The following COL7A1 variants were observed in gnomAD, a reference collection of about 807,000 sequenced individuals.
COL7A1 encodes the protein collagen type VII alpha 1 chain, also known as collagen alpha-1(VII) chain.
Under a neutral mutation model 456.2 loss-of-function variants are expected in COL7A1, and 296 were observed. The ratio of observed to expected loss-of-function variants is 0.65; its 90% CI spans 0.59 to 0.71. COL7A1 has a LOEUF of 0.71. Ranked by LOEUF, COL7A1 falls within the 30% of genes least tolerant of loss-of-function variation. COL7A1 has a pLI of 0.00. For missense variants in COL7A1, 3,441 were observed against 4,017.2 expected (o/e 0.86, Z 3.88); for synonymous variants, 1,464 against 1,525.9 (o/e 0.96, Z 0.95).
At position 48,588,179 on chromosome 3, in the gene COL7A1, A is replaced by T; in HGVS notation, c.2710+103T>A. 6.4e-7 allele frequency: 1 copy of T among 1,566,394 alleles called. No individual in the cohort carries two copies. The highest frequency in any genetic ancestry group is 8.7e-7 in the Non-Finnish European group (1 of 1,148,050). The stretch of plus-strand genomic sequence containing the variant: ...ACTGTCACGGATCCCGCAGACCCCC[A>T]GTGACAGACCCCGCCCACCATCACT... On this transcript the variant is annotated intron_variant, in intron 21 of 118. Transcript: ENST00000681320. This position sits in a 1 kb window ranked among gnomAD's most constrained non-coding sequence, Gnocchi z 4.6.
rs765367177 is a variant in COL7A1, at chr3:48,579,246, C to T, written c.5339G>A (p.Arg1780Gln). 27 of 1,613,770 alleles carry T rather than the reference C, an allele frequency of 1.7e-5. No individual in the cohort carries two copies. Among genetic ancestry groups the T allele is most frequent in the Admixed American group, 1.0e-4 (6 of 60,010 alleles). ...GDRGPPGLDG[R>Q]SGLDGKPGAA... Reference sequence around the variant, plus strand: ...TCCTGGTTTCCCATCCAGTCCGCTCCGGCCATCCAGCCCAGGGGGACCCCG... The same window carrying T: ...TCCTGGTTTCCCATCCAGTCCGCTCTGGCCATCCAGCCCAGGGGGACCCCG... The change falls in exon 62 of 119, where the codon CGG becomes CAG. Residue 1780 changes from arginine to glutamine, a missense_variant. Around this residue, in one of 3 missense-constraint regions of COL7A1, gnomAD observed 2,084 missense variants for 2,501.3 expected, o/e 0.83. Coordinates refer to ENST00000681320, the MANE Select transcript of COL7A1 (RefSeq NM_000094.4). The surrounding 1 kb of genome is among the most constrained non-coding windows in gnomAD (Gnocchi z 4.4).
chr3:48,584,327 G>A lies in COL7A1; in HGVS notation c.4168C>T (p.Pro1390Ser). 6.2e-7 allele frequency: 1 copy of A among 1,612,796 alleles called. No individual in the cohort carries two copies. The highest frequency in any genetic ancestry group is 8.5e-7 in the Non-Finnish European group (1 of 1,179,414). The change falls in exon 37 of 119, where the codon CCC (proline) becomes TCC (serine). Residue 1390 changes from proline (P) to serine (S), a missense_variant. Pro to Ser is a moderately conservative substitution (Grantham distance 74). Around this residue, in one of 3 missense-constraint regions of COL7A1, gnomAD observed 2,084 missense variants for 2,501.3 expected, o/e 0.83. Coordinates refer to ENST00000681320, the MANE Select transcript of COL7A1 (RefSeq NM_000094.4). ...GPLGDPGPRG[P>S]PGLPGTAMKG... The stretch of plus-strand genomic sequence containing the variant: ...ATGGCTGTTCCAGGAAGCCCTGGGG[G>A]GCCACGGGGTCCTGGGTCCCCCAGT...
In COL7A1 at chr3:48,588,955, G is replaced by T; in HGVS notation, c.2355C>A (p.Leu785=). The change falls in exon 19 of 119, where the codon CTC becomes CTA. Residue 785 remains leucine, a synonymous_variant. Transcript: ENST00000681320. The surrounding 1 kb of genome is among the most constrained non-coding windows in gnomAD (Gnocchi z 4.6). ...PVGRVSRLQI[L]NASSDVLRIT... is the part of the protein sequence containing the mutation. ...TCCGTAGAACGTCGCTGGAAGCATTGAGGATCTGCAGCCTCGACACACGAC... is the reference window on the plus strand; with the variant it reads ...TCCGTAGAACGTCGCTGGAAGCATTTAGGATCTGCAGCCTCGACACACGAC... 6.2e-7 allele frequency: 1 copy of T among 1,613,614 alleles called. No individual in the cohort carries two copies. The highest frequency in any genetic ancestry group is 8.5e-7 in the Non-Finnish European group (1 of 1,180,046).
At position 48,593,097 on chromosome 3, in the gene COL7A1, C is replaced by G. The variant is rs767647070; in HGVS notation, c.682+5G>C. The G allele has an allele frequency of 6.2e-7, 1 of 1,614,112 alleles. No homozygotes were observed. Among genetic ancestry groups the G allele is most frequent in the Non-Finnish European group, 8.5e-7 (1 of 1,180,020 alleles). On this transcript the variant is annotated splice_donor_5th_base_variant and intron_variant, in intron 6 of 118. Coordinates refer to ENST00000681320, the MANE Select transcript of COL7A1 (RefSeq NM_000094.4). The surrounding 1 kb of genome is among the most constrained non-coding windows in gnomAD (Gnocchi z 4.4). ...TCAGGGTACACCGTGTGGGCAGGAACTCACGAGGTCGGGTCACAGGCACGC... is the reference window on the plus strand; with the variant it reads ...TCAGGGTACACCGTGTGGGCAGGAAGTCACGAGGTCGGGTCACAGGCACGC...
In COL7A1 at chr3:48,579,062, C is replaced by G. The variant is rs1014123835; in HGVS notation, c.5389-108G>C. ...GAACATGCCCCACCCAGGCAGGGCTCTGGGAGAAGACACAGACAACAGGTC... is the reference window on the plus strand; with the variant it reads ...GAACATGCCCCACCCAGGCAGGGCTGTGGGAGAAGACACAGACAACAGGTC... On this transcript the variant is annotated intron_variant, in intron 62 of 118. Coordinates refer to ENST00000681320, the MANE Select transcript of COL7A1 (RefSeq NM_000094.4). The surrounding 1 kb of genome is among the most constrained non-coding windows in gnomAD (Gnocchi z 4.4). 3.2e-6 allele frequency: 5 copies of G among 1,567,634 alleles called. No individual in the cohort carries two copies. The African/African-American group carries it at 6.8e-5, about 21-fold the overall frequency.
rs1259477166 is a variant in COL7A1, at chr3:48,574,086, GACACAGGCAC to G, written c.6501+166_6501+175del. On this transcript the variant is annotated intron_variant, in intron 80 of 118. Coordinates refer to ENST00000681320, the MANE Select transcript of COL7A1 (RefSeq NM_000094.4). The surrounding 1 kb of genome is among the most constrained non-coding windows in gnomAD (Gnocchi z 5.0). Reference sequence around the variant, plus strand: ...ACACATCCACATACAACCACACACAGACACAGGCACACACAGGCACACACAGACACAGGCA... The same window carrying G: ...ACACATCCACATACAACCACACACAGACACAGGCACACACAGACACAGGCA... Among the ~76,000 whole-genome samples the G allele has an allele frequency of 3.6e-4, 54 of 151,372 alleles. No individual in the cohort carries two copies. Among genetic ancestry groups the G allele is most frequent in the African/African-American group, 1.1e-3 (44 of 41,220 alleles).
rs778515934 is a variant in COL7A1 at position 48,579,566 on chromosome 3, C to G, written c.5235+22G>C. On this transcript the variant is annotated intron_variant, in intron 59 of 118. Transcript: ENST00000681320. This position sits in a 1 kb window ranked among gnomAD's most constrained non-coding sequence, Gnocchi z 4.4. ...GAGCAGGCCCTCCCATGCCTGCACCCCCGAGGACCAATCACACTCACCCTT... is the reference window on the plus strand; with the variant it reads ...GAGCAGGCCCTCCCATGCCTGCACCGCCGAGGACCAATCACACTCACCCTT... 1 of 1,613,852 alleles carries G rather than the reference C, an allele frequency of 6.2e-7. No individual in the cohort carries two copies. Among genetic ancestry groups the G allele is most frequent in the Non-Finnish European group, 8.5e-7 (1 of 1,179,998 alleles).
At position 48,583,283 on chromosome 3, in the gene COL7A1, G is replaced by A. The variant is rs113378081; in HGVS notation, c.4437+110C>T. ...CTCCAACCACCCCCTCCAAAACCAC[G>A]ACCTCTGACCTGGAGGGAACTCTTA... On this transcript the variant is annotated intron_variant, in intron 42 of 118. Coordinates refer to ENST00000681320, the MANE Select transcript of COL7A1 (RefSeq NM_000094.4). This position sits in a 1 kb window ranked among gnomAD's most constrained non-coding sequence, Gnocchi z 5.1. The A allele has an allele frequency of 3.3e-4, 522 of 1,604,004 alleles. 6 individuals are homozygous for A. The South Asian group carries it at 5.4e-3, about 16-fold the overall frequency.
chr3:48,565,703 CAGAG>C lies in COL7A1; in HGVS notation c.8408-39_8408-36del. The C allele has an allele frequency of 1.3e-6, 2 of 1,591,890 alleles. No homozygotes were observed. Among genetic ancestry groups the C allele is most frequent in the Non-Finnish European group, 1.7e-6 (2 of 1,166,274 alleles). ...GCAGAGAGGGATAGAGAGACAATGACAGAGAGAAGGATGGGAAGATGGAGAGACA... is the reference window on the plus strand; with the variant it reads ...GCAGAGAGGGATAGAGAGACAATGACAGAAGGATGGGAAGATGGAGAGACA... On this transcript the variant is annotated intron_variant, in intron 114 of 118. Transcript: ENST00000681320. This position sits in a 1 kb window ranked among gnomAD's most constrained non-coding sequence, Gnocchi z 4.5.
Position 48,579,566 on chromosome 3 carries a change from C to T in COL7A1, c.5235+22G>A, listed in dbSNP as rs778515934. ...GAGCAGGCCCTCCCATGCCTGCACC[C>T]CCGAGGACCAATCACACTCACCCTT... On this transcript the variant is annotated intron_variant, in intron 59 of 118. Coordinates refer to ENST00000681320, the MANE Select transcript of COL7A1 (RefSeq NM_000094.4). This position sits in a 1 kb window ranked among gnomAD's most constrained non-coding sequence, Gnocchi z 4.4. The T allele has an allele frequency of 1.1e-5, 17 of 1,613,734 alleles. No individual in the cohort carries two copies. Among genetic ancestry groups the T allele is most frequent in the Non-Finnish European group, 1.4e-5 (16 of 1,180,006 alleles).
rs2043575412 is a variant in COL7A1, at chr3:48,565,695, G to A, written c.8408-27C>T. On this transcript the variant is annotated intron_variant, in intron 114 of 118. Coordinates refer to ENST00000681320, the MANE Select transcript of COL7A1 (RefSeq NM_000094.4). The surrounding 1 kb of genome is among the most constrained non-coding windows in gnomAD (Gnocchi z 4.5). Reference sequence around the variant, plus strand: ...TAGAGGGGGCAGAGAGGGATAGAGAGACAATGACAGAGAGAAGGATGGGAA... The same window carrying A: ...TAGAGGGGGCAGAGAGGGATAGAGAAACAATGACAGAGAGAAGGATGGGAA... 2 of 1,600,864 alleles carry A rather than the reference G, an allele frequency of 1.2e-6. No homozygotes were observed. Among genetic ancestry groups the A allele is most frequent in the Non-Finnish European group, 1.7e-6 (2 of 1,172,262 alleles).
chr3:48,589,653 A>C lies in COL7A1; in HGVS notation c.2116T>G (p.Trp706Gly), dbSNP rs372197459. The change falls in exon 17 of 119, where the codon TGG (tryptophan) becomes GGG (glycine). Residue 706 changes from tryptophan to glycine, a missense_variant. Coordinates refer to ENST00000681320, the MANE Select transcript of COL7A1 (RefSeq NM_000094.4). Reference sequence around the variant, plus strand: ...CCTGTGGCGCCAGGAACCCTGGTCCAGGTAATGGTGACAGATGAGCTGCTG... The same window carrying C: ...CCTGTGGCGCCAGGAACCCTGGTCCCGGTAATGGTGACAGATGAGCTGCTG... Reference protein sequence around the residue: ...QASSSSVTITWTRVPGATGYR... With the variant: ...QASSSSVTITGTRVPGATGYR... 3.2e-5 allele frequency: 51 copies of C among 1,613,408 alleles called. No homozygotes were observed. Among genetic ancestry groups the C allele is most frequent in the Non-Finnish European group, 4.2e-5 (49 of 1,179,960 alleles).
Position 48,579,525 on chromosome 3 carries a change from G to GA in COL7A1, c.5236-11_5236-10insT. ...GAAACCCTTCAATGCCCTGAGGATA[G>GA]GGGAGGAAGAAATCAGAGCAGGCCC... On this transcript the variant is annotated splice_polypyrimidine_tract_variant and intron_variant, in intron 59 of 118. Coordinates refer to ENST00000681320, the MANE Select transcript of COL7A1 (RefSeq NM_000094.4). The surrounding 1 kb of genome is among the most constrained non-coding windows in gnomAD (Gnocchi z 4.4). 6.2e-7 allele frequency: 1 copy of GA among 1,613,962 alleles called. No individual in the cohort carries two copies. The highest frequency in any genetic ancestry group is 8.5e-7 in the Non-Finnish European group (1 of 1,180,020).
In COL7A1 at chr3:48,567,681, C is replaced by T. The variant is rs778202910; in HGVS notation, c.7983+29G>A. Reference sequence around the variant, plus strand: ...AACTTGGCCCCCGTCCACCCGTGGCCCCCTCATTCTGAGCGTGCCCACACT... The same window carrying T: ...AACTTGGCCCCCGTCCACCCGTGGCTCCCTCATTCTGAGCGTGCCCACACT... On this transcript the variant is annotated intron_variant, in intron 108 of 118. Transcript: ENST00000681320. This position sits in a 1 kb window ranked among gnomAD's most constrained non-coding sequence, Gnocchi z 4.3. 33 of 1,613,980 alleles carry T rather than the reference C, an allele frequency of 2.0e-5. 1 individual carries two copies. Among genetic ancestry groups the T allele is most frequent in the Non-Finnish European group, 2.7e-5 (32 of 1,180,014 alleles).
chr3:48,572,468 GA>G lies in COL7A1; in HGVS notation c.6936+34del. On this transcript the variant is annotated intron_variant, in intron 89 of 118. Transcript: ENST00000681320. The surrounding 1 kb of genome is among the most constrained non-coding windows in gnomAD (Gnocchi z 4.6). ...TGGGATTCCTTGGCCCCCACCAGTT[GA>G]CCCCCCCTCACTGGCAGCCCCACAC... is the stretch of plus-strand genomic sequence containing the variant. 6.2e-7 allele frequency: 1 copy of G among 1,613,454 alleles called. No individual in the cohort carries two copies. Among genetic ancestry groups the G allele is most frequent in the Non-Finnish European group, 8.5e-7 (1 of 1,179,764 alleles).
chr3:48,593,843 T>A lies in COL7A1; in HGVS notation c.267-147A>T. On this transcript the variant is annotated intron_variant, in intron 3 of 118. Coordinates refer to ENST00000681320, the MANE Select transcript of COL7A1 (RefSeq NM_000094.4). This position sits in a 1 kb window ranked among gnomAD's most constrained non-coding sequence, Gnocchi z 4.4. Reference sequence around the variant, plus strand: ...GTCATTCTCCACACCCACTTGCCTCTGGAACCCCCAGGTTAACAAACTCCC... The same window carrying A: ...GTCATTCTCCACACCCACTTGCCTCAGGAACCCCCAGGTTAACAAACTCCC... 1 of 1,001,518 alleles carries A rather than the reference T, an allele frequency of 1.0e-6. No individual in the cohort carries two copies. Among genetic ancestry groups the A allele is most frequent in the African/African-American group, 1.6e-5 (1 of 62,646 alleles). The allele number at this position is 1,001,518 out of a possible 1,614,324, so 62.0% of individuals were successfully genotyped here. A position where few individuals can be genotyped will look rare whatever the true frequency, so the allele number is the denominator to read the frequency against.
At position 48,575,569 on chromosome 3, in the gene COL7A1, G is replaced by C; in HGVS notation, c.5980-30C>G. On this transcript the variant is annotated intron_variant, in intron 73 of 118. Coordinates refer to ENST00000681320, the MANE Select transcript of COL7A1 (RefSeq NM_000094.4). The surrounding 1 kb of genome is among the most constrained non-coding windows in gnomAD (Gnocchi z 6.3). ...AGGAGTGGAAGAGAGAATGCTGGTG[G>C]CTGTACAGCTACACCCCACTCCACG... The C allele has an allele frequency of 6.2e-7, 1 of 1,612,464 alleles. No homozygotes were observed.
rs373583016 is a variant in COL7A1, at chr3:48,584,711, G to T, written c.4047+23C>A. The T allele has an allele frequency of 9.9e-6, 16 of 1,613,894 alleles. No homozygotes were observed. The African/African-American group carries it at 1.1e-4, about 11-fold the overall frequency. On this transcript the variant is annotated intron_variant, in intron 35 of 118. Transcript: ENST00000681320. ...TGCTCCTCCCTGGGACATCCCGGCC[G>T]CCTCCCTTCCCCCTTCACCTACCGG...
Position 48,572,928 on chromosome 3 carries a change from C to A in COL7A1, c.6765G>T (p.Lys2255Asn). The change falls in exon 87 of 119, where the codon AAG (lysine) becomes AAT (asparagine). Residue 2255 changes from lysine to asparagine, a missense_variant. Around this residue, in one of 3 missense-constraint regions of COL7A1, gnomAD observed 2,084 missense variants for 2,501.3 expected, o/e 0.83. Transcript: ENST00000681320. This position sits in a 1 kb window ranked among gnomAD's most constrained non-coding sequence, Gnocchi z 4.6. ...GLPGQVGETG[K>N]PGAPGRDGAS... ...CACCATCTCGACCTGGGGCTCCCGG[C>A]TTCCCTGTCTCCCCCTGAGAGGGAA... 6.2e-7 allele frequency: 1 copy of A among 1,614,026 alleles called. No individual in the cohort carries two copies. Among genetic ancestry groups the A allele is most frequent in the Non-Finnish European group, 8.5e-7 (1 of 1,180,016 alleles).
Sources: allele counts gnomAD v4.1 joint callset (sites outside exome capture counted in the v4.1 genomes callset), GRCh38; gene constraint gnomAD v4.1.1; regional missense constraint gnomAD v4.1.1; non-coding constraint Gnocchi (gnomAD v3.1); transcripts MANE v1.5; gene names NCBI Gene and HGNC (gene_info 2026-07-23, HGNC 2026-07-21).